The following EYA4 variants were observed in gnomAD, a reference collection of about 807,000 sequenced individuals.
The protein encoded by EYA4 is protein phosphatase EYA4.
In EYA4, 31 loss-of-function variants were observed where a neutral mutation model predicts 87.9. That is an observed-to-expected ratio of 0.35 (90% CI 0.27 to 0.48). The LOEUF (loss-of-function observed/expected upper bound fraction) is 0.48, where lower values mean the gene tolerates loss of function less well. EYA4 is among the 20% of genes least tolerant of loss of function. The pLI, the probability that EYA4 is intolerant of heterozygous loss-of-function variation, is 0.99. For missense variants in EYA4, 678 were observed against 761.4 expected (o/e 0.89, Z 1.29); for synonymous variants, 263 against 270.6 (o/e 0.97, Z 0.28).
At chr6:133,286,719 C>G (rs1041074487) in intron 2 of EYA4, among the ~76,000 whole-genome samples, 4 of 152,184 alleles carry the variant, frequency 2.6e-5, no homozygotes, top group African/African-American at 9.7e-5. Context: ...AGATTTCCAT[C>G]AAAGTAACCA....
In EYA4 at chr6:133,529,737, A is replaced by C; in HGVS notation, c.*932A>C. On this transcript the variant is annotated 3_prime_UTR_variant, in exon 20 of 20. Coordinates refer to ENST00000355286, the MANE Select transcript of EYA4 (RefSeq NM_004100.5). The stretch of plus-strand genomic sequence containing the variant: ...TATTTGCGCATCCAACCATGAGTGG[A>C]AGGTTTGGGAAAGACTGTGGGACCT... 1 of 985,268 alleles carries C rather than the reference A, an allele frequency of 1.0e-6. No individual in the cohort carries two copies. Among genetic ancestry groups the C allele is most frequent in the Non-Finnish European group, 1.2e-6 (1 of 829,786 alleles). The allele number at this position is 985,268 out of a possible 1,614,324, so 61.0% of individuals were successfully genotyped here. A position where few individuals can be genotyped will look rare whatever the true frequency, so the allele number is the denominator to read the frequency against.
chr6:133,390,469 G>A (rs914691774), intron 3 of EYA4, among the ~76,000 whole-genome samples: 2 of 152,094 alleles, frequency 1.3e-5, no homozygotes, highest in South Asian at 2.1e-4. Context: ...TCATCTGCCC[G>A]CCTTGGCCTC....
chr6:133,272,296 G>A (rs926697411), intron 1 of EYA4, among the ~76,000 whole-genome samples: 10 of 152,216 alleles, frequency 6.6e-5, no homozygotes, highest in African/African-American at 2.4e-4. Flanking sequence ...GGGCATCGAT[G>A]CAGCCTTGGG....
At chr6:133,393,432 G>A (rs145005576) in intron 3 of EYA4, among the ~76,000 whole-genome samples, 187 of 152,230 alleles carry the variant, frequency 1.2e-3, no homozygotes, top group African/African-American at 4.2e-3. Context: ...AAAATAGGGA[G>A]GATCAGGAAC....
intron 1 of EYA4, among the ~76,000 whole-genome samples, chr6:133,269,150 T>C (rs1344434077): frequency 6.6e-6 from 1 of 152,130 alleles, no homozygotes; most frequent in African/African-American, 2.4e-5. Context: ...TCCCAGCTAC[T>C]TGGGAGGCTG....
intron 3 of EYA4, among the ~76,000 whole-genome samples, chr6:133,442,749 A>C (rs1359150308): frequency 6.6e-6 from 1 of 152,154 alleles, no homozygotes; most frequent in East Asian, 1.9e-4. Context: ...CTACCGAAAT[A>C]ATTCATTATT....
At chr6:133,313,062 T>A (rs17301712) in intron 2 of EYA4, among the ~76,000 whole-genome samples, 1 of 151,944 alleles carries the variant, frequency 6.6e-6, no homozygotes, top group Non-Finnish European at 1.5e-5. Context: ...GCAGGTTCTC[T>A]TATTTAAAAC....
rs752280888 is a variant in EYA4, at chr6:133,528,826, T to G, written c.*21T>G. ...TGTAACTGTGTTCTTTAGCCGGAGA[T>G]CCATTTTTTATATTTCAAGTACACT... On this transcript the variant is annotated 3_prime_UTR_variant, in exon 20 of 20. Transcript: ENST00000355286. 3.1e-6 allele frequency: 5 copies of G among 1,612,890 alleles called. No homozygotes were observed. Among genetic ancestry groups the G allele is most frequent in the Non-Finnish European group, 4.2e-6 (5 of 1,179,154 alleles).
At chr6:133,293,974 T>C (rs1212345348) in intron 2 of EYA4, among the ~76,000 whole-genome samples, 1 of 58,104 alleles carries the variant, frequency 1.7e-5, no homozygotes. Flanking sequence ...TTATTTTACA[T>C]ATATATATTA....
At position 133,361,079 on chromosome 6, in the gene EYA4, T is replaced by C. The variant is rs78418717; in HGVS notation, c.34-21313T>C. Among the ~76,000 whole-genome samples the C allele has an allele frequency of 4.2e-3, 646 of 152,308 alleles. 16 individuals carry two copies. The East Asian group carries it at 0.047, about 11-fold the overall frequency. On this transcript the variant is annotated intron_variant, in intron 2 of 19. Coordinates refer to ENST00000355286, the MANE Select transcript of EYA4 (RefSeq NM_004100.5). ...TACTCCAGAGTTCATCCAGACTAGA[T>C]TGGGTCACTGGCCTACTTATCACAA...
chr6:133,438,483 C>T (rs908970822), intron 3 of EYA4, among the ~76,000 whole-genome samples: 3 of 150,288 alleles, frequency 2.0e-5, no homozygotes, highest in African/African-American at 7.4e-5. Flanking sequence ...AGATACCTCC[C>T]CCAGGATCCC....
At chr6:133,339,607 T>G (rs1782634519) in intron 2 of EYA4, among the ~76,000 whole-genome samples, 1 of 152,182 alleles carries the variant, frequency 6.6e-6, no homozygotes, top group African/African-American at 2.4e-5. Flanking sequence ...TCTGAAAGGA[T>G]GACCATGGAT....
intron 1 of EYA4, among the ~76,000 whole-genome samples, chr6:133,266,621 G>A (rs2128250046): frequency 6.6e-6 from 1 of 152,142 alleles, no homozygotes; most frequent in East Asian, 1.9e-4. Context: ...AAATTGCCTG[G>A]TAGACTAATT....
chr6:133,462,115 A>G (rs1794446339), intron 7 of EYA4: 1 of 593,090 alleles, frequency 1.7e-6, no homozygotes, highest in South Asian at 1.9e-5. Context: ...TGTGGTATAG[A>G]CATAGGGAGT....
At chr6:133,335,839 G>T (rs1782326903) in intron 2 of EYA4, among the ~76,000 whole-genome samples, 3 of 152,080 alleles carry the variant, frequency 2.0e-5, no homozygotes, top group Admixed American at 2.0e-4. Context: ...GGTCTTTTTT[G>T]TCTTTGTCCC....
intron 16 of EYA4, among the ~76,000 whole-genome samples, chr6:133,515,086 G>A (rs557185134): frequency 1.3e-5 from 2 of 152,274 alleles, no homozygotes; most frequent in South Asian, 4.1e-4. Flanking sequence ...AGAGACTGGG[G>A]CCACTTTTCA....
chr6:133,399,505 TAC>T (rs1583175915), intron 3 of EYA4, among the ~76,000 whole-genome samples: 1 of 152,270 alleles, frequency 6.6e-6, no homozygotes, highest in East Asian at 1.9e-4. Context: ...ACAATGAGGC[TAC>T]TTATGTTTTA....
rs75694024 is a variant in EYA4 at position 133,364,983 on chromosome 6, T to A, written c.34-17409T>A. ...TGAAAATAGGTTATCTAGAACTATTTTGAAAATTCAGGATATCATCCTGAC... is the reference window on the plus strand; with the variant it reads ...TGAAAATAGGTTATCTAGAACTATTATGAAAATTCAGGATATCATCCTGAC... On this transcript the variant is annotated intron_variant, in intron 2 of 19. Transcript: ENST00000355286. 6.9e-3 allele frequency among the ~76,000 whole-genome samples: 1,051 copies of A among 152,324 alleles called. 11 individuals are homozygous for A. Among genetic ancestry groups the A allele is most frequent in the African/African-American group, 0.024 (997 of 41,580 alleles).
chr6:133,467,168 C>A (rs961573189), intron 10 of EYA4, among the ~76,000 whole-genome samples: 1 of 152,040 alleles, frequency 6.6e-6, no homozygotes, highest in East Asian at 1.9e-4. Flanking sequence ...TGGGGAATAG[C>A]CTGGACCTTT....
Sources: allele counts gnomAD v4.1 joint callset (sites outside exome capture counted in the v4.1 genomes callset), GRCh38; gene constraint gnomAD v4.1.1; transcripts MANE v1.5; gene names NCBI Gene and HGNC (gene_info 2026-07-23, HGNC 2026-07-21).